ZAN: variants seen among roughly 807,000 people sequenced by gnomAD.
ZAN encodes zonadhesin.
Under a neutral mutation model 286.2 loss-of-function variants are expected in ZAN, and 260 were observed. That is an observed-to-expected ratio of 0.91 (90% CI 0.82 to 1.01). ZAN has a LOEUF of 1.01. Among genes scored for constraint, ZAN ranks in the 50% least tolerant of loss-of-function variants. The probability of loss-of-function intolerance (pLI) is 0.00; values close to 1 mark genes in which losing one functional copy is unlikely to be tolerated. For synonymous variants in ZAN, 1,368 were observed against 1,417.5 expected (o/e 0.97, Z 0.79); for missense variants, 3,410 against 3,639.2 (o/e 0.94, Z 1.62).
chr7:100,765,218 C>A, intron 22 of ZAN, 134 bp from the exon 23 acceptor site: 1 of 1,061,940 alleles, frequency 9.4e-7, no homozygotes, highest in Non-Finnish European at 1.3e-6. Flanking sequence ...GGGGAAGCTT[C>A]TCACAGTCAC....
rs761156400 is a variant in ZAN at position 100,792,540 on chromosome 7, C to A, written c.7787+61C>A. 3 of 1,606,654 alleles carry A rather than the reference C, an allele frequency of 1.9e-6. No individual in the cohort carries two copies. The East Asian group carries it at 6.7e-5, about 36-fold the overall frequency. ...TGGCTGGCTGGCGGGACCGCACCCT[C>A]TGCGGTGAGGTGTTGCCCCTCCCTG... On this transcript the variant is annotated intron_variant, in intron 42 of 47. Coordinates refer to ENST00000613979, the MANE Select transcript of ZAN (RefSeq NM_003386.3).
Position 100,752,686 on chromosome 7 carries a change from A to ACAGAAAAACCCACCATCTCCC in ZAN, c.2591_2611dup (p.Pro864_Lys870dup), listed in dbSNP as rs1808828972. The ACAGAAAAACCCACCATCTCCC allele has an allele frequency of 6.4e-7, 1 of 1,553,182 alleles. No individual in the cohort carries two copies. The highest frequency in any genetic ancestry group is 1.4e-5 in the African/African-American group (1 of 73,094). The stretch of plus-strand genomic sequence containing the variant: ...CTCCACAGAAAAACCCACCATCCCC[A>ACAGAAAAACCCACCATCTCCC]CAGAAAAACCCACCATCTCCCCAGA... On this transcript the variant is annotated inframe_insertion, in exon 14 of 48. Coordinates refer to ENST00000613979, the MANE Select transcript of ZAN (RefSeq NM_003386.3).
chr7:100,767,251 G>A lies in ZAN; in HGVS notation c.4854G>A (p.Lys1618=). ...GCATCTCACTGCTCAGAGGCTGTAAGGTCATGGTGGGTGTCTTCCTCCTGC... is the reference window on the plus strand; with the variant it reads ...GCATCTCACTGCTCAGAGGCTGTAAAGTCATGGTGGGTGTCTTCCTCCTGC... ...DLSISLLRGC[K]VMLNGHRVAL... The change falls in exon 25 of 48, where the codon AAG becomes AAA. Residue 1618 remains lysine (K), a synonymous_variant. Transcript: ENST00000613979. 5 of 1,607,056 alleles carry A rather than the reference G, an allele frequency of 3.1e-6. No individual in the cohort carries two copies. Among genetic ancestry groups the A allele is most frequent in the Non-Finnish European group, 4.2e-6 (5 of 1,178,360 alleles).
intron 44 of ZAN, 138 bp downstream of exon 44, chr7:100,794,396 C>A: frequency 7.2e-7 from 1 of 1,389,944 alleles, no homozygotes; most frequent in Non-Finnish European, 9.6e-7. Flanking sequence ...TAGGGAGGGA[C>A]AAAGGACAAA....
Position 100,751,332 on chromosome 7 carries a change from G to C in ZAN, c.1606+66G>C, listed in dbSNP as rs1376751492. 6.6e-6 allele frequency: 8 copies of C among 1,214,868 alleles called. No homozygotes were observed. The East Asian group carries it at 2.2e-4, about 33-fold the overall frequency. The allele number at this position is 1,214,868 out of a possible 1,614,324, so 75.3% of individuals were successfully genotyped here. On this transcript the variant is annotated intron_variant, in intron 13 of 47. Transcript: ENST00000613979. ...TGAGGTTCCCTGGAGTTCTCTCTAT[G>C]AACTGCTTAAAATGTGAGTCCTCCC...
At position 100,774,322 on chromosome 7, in the gene ZAN, A is replaced by G. The variant is rs560252832; in HGVS notation, c.5779+457A>G. 5.9e-5 allele frequency among the ~76,000 whole-genome samples: 9 copies of G among 152,276 alleles called. No homozygotes were observed. The South Asian group carries it at 1.9e-3, about 32-fold the overall frequency. On this transcript the variant is annotated intron_variant, in intron 31 of 47. Coordinates refer to ENST00000613979, the MANE Select transcript of ZAN (RefSeq NM_003386.3). ...GAGGCAGAGGTTGCAGTGAGCAGAG[A>G]TCGTGCCATTGCACTCCAGCCTGGG...
rs779983266 is a variant in ZAN, at chr7:100,752,550, CAG to C, written c.2446_2447del (p.Ser816HisfsTer11). 6.2e-7 allele frequency: 1 copy of C among 1,612,184 alleles called. No homozygotes were observed. The highest frequency in any genetic ancestry group is 1.4e-5 in the African/African-American group (1 of 73,924). On this transcript the variant is annotated frameshift_variant, in exon 14 of 48. Coordinates refer to ENST00000613979, the MANE Select transcript of ZAN (RefSeq NM_003386.3). LOFTEE classifies it high-confidence loss of function. ...EETTISTEKP[S>X]IPMEKPTLPT... The stretch of plus-strand genomic sequence containing the variant: ...AGACCACCATCTCCACAGAAAAACC[CAG>C]CATCCCCATGGAAAAACCCACTCTC...
Position 100,737,306 on chromosome 7 carries a change from C to T in ZAN, c.570C>T (p.Ile190=), listed in dbSNP as rs374091129. The part of the protein sequence containing the change: ...GTRGSTAYLD[I]ALDALSIRRG... ...GGGGTAGCACTGCCTACCTGGACAT[C>T]GCCCTGGATGCCCTCTCTATCCGCC... is the stretch of plus-strand genomic sequence containing the variant. The change falls in exon 6 of 48, where the codon ATC becomes ATT. Residue 190 remains isoleucine, a synonymous_variant. Transcript: ENST00000613979. The T allele has an allele frequency of 3.7e-5, 55 of 1,488,832 alleles. 11 individuals are homozygous for T. Among genetic ancestry groups the T allele is most frequent in the African/African-American group, 1.8e-4 (13 of 70,370 alleles). The allele number at this position is 1,488,832 out of a possible 1,614,324, so 92.2% of individuals were successfully genotyped here.
intron 12 of ZAN, 142 bp from the exon 13 acceptor site, chr7:100,751,040 G>A (rs2115808572): frequency 2.1e-6 from 3 of 1,398,512 alleles, no homozygotes; most frequent in Middle Eastern, 2.2e-4. Context: ...AAGTGAGAAA[G>A]GGGCCGGGAT....
intron 18 of ZAN, 124 bp from the exon 19 acceptor site, chr7:100,760,267 G>C (rs1809462262): frequency 7.6e-7 from 1 of 1,309,130 alleles, no homozygotes; most frequent in Non-Finnish European, 1.1e-6. Flanking sequence ...GTCCACTCCT[G>C]GTGGATGAGA....
rs1367088304 is a variant in ZAN, at chr7:100,734,232, C to G, written c.53+11C>G. The G allele has an allele frequency of 1.4e-6, 2 of 1,430,034 alleles. No homozygotes were observed. Among genetic ancestry groups the G allele is most frequent in the African/African-American group, 2.9e-5 (2 of 67,974 alleles). The allele number at this position is 1,430,034 out of a possible 1,614,324, so 88.6% of individuals were successfully genotyped here. ...GGCTGCCCTTTTCAGGTAAGCTGGG[C>G]CCAGGGGGTAATGATAAACCAGGGT... On this transcript the variant is annotated intron_variant, in intron 2 of 47. Coordinates refer to ENST00000613979, the MANE Select transcript of ZAN (RefSeq NM_003386.3).
At chr7:100,767,727 C>T in intron 25 of ZAN, 104 bp from the exon 26 acceptor site, 1 of 1,315,134 alleles carries the variant, frequency 7.6e-7, no homozygotes, top group Non-Finnish European at 1.0e-6. Flanking sequence ...GATCCTCCGC[C>T]TCGGCCTCCC....
At chr7:100,762,909 T>G (rs563604044) in intron 20 of ZAN, among the ~76,000 whole-genome samples, 1 of 151,810 alleles carries the variant, frequency 6.6e-6, no homozygotes, top group Non-Finnish European at 1.5e-5. Context: ...TAACAAAATT[T>G]TTTGGTAGAC....
rs1809496694 is a variant in ZAN, at chr7:100,760,591, C to T, written c.3842+55C>T. ...CACTTCTTCCTGCTGCCTCTTCCTG[C>T]TGCCTCTTCTTCCTGCTGCCCACCC... On this transcript the variant is annotated intron_variant, in intron 19 of 47. Transcript: ENST00000613979. The T allele has an allele frequency of 1.9e-6, 3 of 1,600,184 alleles. No homozygotes were observed. The African/African-American group carries it at 4.0e-5, about 21-fold the overall frequency.
chr7:100,760,804 G>A (rs1220340305), intron 19 of ZAN, among the ~76,000 whole-genome samples: 2 of 152,208 alleles, frequency 1.3e-5, no homozygotes, highest in Non-Finnish European at 2.9e-5. Context: ...GCACTAGTGA[G>A]TTCTGGAGGC....
chr7:100,787,681 C>G (rs1453615569), intron 37 of ZAN, among the ~76,000 whole-genome samples: 1 of 152,196 alleles, frequency 6.6e-6, no homozygotes, highest in Non-Finnish European at 1.5e-5. Flanking sequence ...CTTGCCTCAG[C>G]CTACCAAGTA....
chr7:100,748,188 G>T lies in ZAN; in HGVS notation c.1075G>T (p.Asp359Tyr), dbSNP rs1321050500. ...GKTPEPAVAVDATSIAPCGEG... is the reference protein window; with the variant it reads ...GKTPEPAVAVYATSIAPCGEG... ...GACCCCAGAGCCAGCTGTGGCAGTT[G>T]ATGCAACCAGCATTGCTCCTTGTGG... The change falls in exon 10 of 48, where the codon GAT (aspartate) becomes TAT (tyrosine). Residue 359 changes from aspartate to tyrosine, a missense_variant. This residue lies in a region of ZAN where 872 missense variants were observed against 938.9 expected (regional missense o/e 0.93). Coordinates refer to ENST00000613979, the MANE Select transcript of ZAN (RefSeq NM_003386.3). 2.5e-6 allele frequency: 4 copies of T among 1,613,782 alleles called. No homozygotes were observed. The African/African-American group carries it at 5.3e-5, about 22-fold the overall frequency.
Position 100,750,743 on chromosome 7 carries a change from G to A in ZAN, c.1368G>A (p.Met456Ile). 1.2e-6 allele frequency: 2 copies of A among 1,613,206 alleles called. No homozygotes were observed. The highest frequency in any genetic ancestry group is 2.2e-5 in the South Asian group (2 of 90,906). ...GDICVEFAYH[M>I]YGLGEGTMLE... ...TCTGCGTGGAGTTCGCATACCACAT[G>A]TATGGCCTTGGGGAGGGTACTATGC... The change falls in exon 12 of 48, where the codon ATG becomes ATA. Residue 456 changes from methionine (M) to isoleucine (I), a missense_variant. By Grantham distance (10) the Met-to-Ile change is conservative. This residue lies in a region of ZAN where 872 missense variants were observed against 938.9 expected (regional missense o/e 0.93). Coordinates refer to ENST00000613979, the MANE Select transcript of ZAN (RefSeq NM_003386.3).
chr7:100,795,658 G>A (rs1275744869), intron 45 of ZAN, among the ~76,000 whole-genome samples: 1 of 151,912 alleles, frequency 6.6e-6, no homozygotes, highest in East Asian at 1.9e-4. Flanking sequence ...TGTAATCCCA[G>A]CACTTTGGGA....
Sources: allele counts gnomAD v4.1 joint callset (sites outside exome capture counted in the v4.1 genomes callset), GRCh38; gene constraint gnomAD v4.1.1; regional missense constraint gnomAD v4.1.1; transcripts MANE v1.5; gene names NCBI Gene and HGNC (gene_info 2026-07-23, HGNC 2026-07-21).